Variants in IL19 observed in about 807,000 individuals in gnomAD.
IL19 encodes interleukin 19, also known as interleukin-19.
Under a neutral mutation model 19.5 loss-of-function variants are expected in IL19, and 15 were observed. The ratio of observed to expected loss-of-function variants is 0.77; its 90% CI spans 0.52 to 1.19. The LOEUF is 1.19. Ranked by LOEUF, IL19 falls within the 50% of genes most tolerant of loss-of-function variation. IL19 has a pLI of 0.00. For missense variants in IL19, 199 were observed against 213.1 expected (o/e 0.93, Z 0.41); for synonymous variants, 78 against 78.3 (o/e 1.00, Z 0.02).
intron 1 of IL19, among the ~76,000 whole-genome samples, chr1:206,789,526 T>A (rs963422933): frequency 6.6e-6 from 1 of 152,212 alleles, no homozygotes; most frequent in Non-Finnish European, 1.5e-5. Flanking sequence ...TTATACTTTT[T>A]TATGGCTGAG....
At chr1:206,798,612 C>G (rs1438974732) in intron 1 of IL19, among the ~76,000 whole-genome samples, 3 of 151,610 alleles carry the variant, frequency 2.0e-5, no homozygotes, top group Non-Finnish European at 4.4e-5. Flanking sequence ...AAAATCTGGC[C>G]ACCCTCTTCC....
intron 1 of IL19, chr1:206,772,176 TG>T: frequency 9.4e-7 from 1 of 1,058,380 alleles, no homozygotes; most frequent in Non-Finnish European, 1.5e-6. Flanking sequence ...GGGATGGAGG[TG>T]GAGGCGCAGG....
chr1:206,778,149 G>A (rs1376025670), intron 1 of IL19, among the ~76,000 whole-genome samples: 1 of 152,192 alleles, frequency 6.6e-6, no homozygotes, highest in East Asian at 1.9e-4. Flanking sequence ...GCGCCCTTCC[G>A]AGGATCATGG....
intron 2 of IL19, among the ~76,000 whole-genome samples, chr1:206,802,852 C>G (rs1490064239): frequency 6.6e-6 from 1 of 152,136 alleles, no homozygotes; most frequent in African/African-American, 2.4e-5. Flanking sequence ...AAAGACCAAT[C>G]TTCTGGCAGA....
chr1:206,839,975 C>T lies in IL19; in HGVS notation c.336C>T (p.Leu112=), dbSNP rs1676945983. 1 of 1,614,234 alleles carries T rather than the reference C, an allele frequency of 6.2e-7. No homozygotes were observed. Among genetic ancestry groups the T allele is most frequent in the South Asian group, 1.1e-5 (1 of 91,086 alleles). ...RKISSIANSF[L]YMQKTLRQCQ... is the part of the protein sequence containing the mutation. Reference sequence around the variant, plus strand: ...TCAGCAGCATTGCCAACTCTTTCCTCTACATGCAGAAAACTCTGCGGCAAT... The same window carrying T: ...TCAGCAGCATTGCCAACTCTTTCCTTTACATGCAGAAAACTCTGCGGCAAT... The change falls in exon 5 of 7, where the codon CTC becomes CTT. Residue 112 remains leucine, a synonymous_variant. Transcript: ENST00000659997.
chr1:206,772,819 C>T (rs1228707991), intron 1 of IL19, among the ~76,000 whole-genome samples: 3 of 152,124 alleles, frequency 2.0e-5, no homozygotes, highest in Non-Finnish European at 2.9e-5. Flanking sequence ...GGTTCTCATT[C>T]GCGTGTTCCT....
Position 206,779,697 on chromosome 1 carries a change from C to T in IL19, c.-149+8619C>T, listed in dbSNP as rs12029597. Among the ~76,000 whole-genome samples, 346 of 152,284 alleles carry T rather than the reference C, an allele frequency of 2.3e-3. 1 individual carries two copies. Among genetic ancestry groups the T allele is most frequent in the East Asian group, 0.021 (110 of 5,188 alleles). ...TCCCTCTCTTGGTCAAATAAGGACTCATATTCTAATGTTTTCTATAACTTC... is the reference window on the plus strand; with the variant it reads ...TCCCTCTCTTGGTCAAATAAGGACTTATATTCTAATGTTTTCTATAACTTC... On this transcript the variant is annotated intron_variant, in intron 1 of 6. Transcript: ENST00000659997.
At chr1:206,802,084 G>A (rs1454162772) in intron 2 of IL19, among the ~76,000 whole-genome samples, 1 of 152,222 alleles carries the variant, frequency 6.6e-6, no homozygotes, top group Non-Finnish European at 1.5e-5. Context: ...ATGGTCCTGG[G>A]CTCCTTGTGT....
intron 1 of IL19, among the ~76,000 whole-genome samples, chr1:206,780,681 A>G (rs1167293425): frequency 6.6e-6 from 1 of 152,208 alleles, no homozygotes; most frequent in Non-Finnish European, 1.5e-5. Context: ...AGAGGCCTAG[A>G]GAAGAAGACT....
intron 1 of IL19, among the ~76,000 whole-genome samples, chr1:206,773,652 T>C (rs1439514537): frequency 7.3e-6 from 1 of 136,824 alleles, no homozygotes; most frequent in African/African-American, 2.7e-5. Flanking sequence ...GGGAGCCAGT[T>C]GGGTTGCGGC....
intron 1 of IL19, among the ~76,000 whole-genome samples, chr1:206,797,447 G>A (rs1332298418): frequency 6.6e-6 from 1 of 151,994 alleles, no homozygotes; most frequent in African/African-American, 2.4e-5. Context: ...GAGAGTTCAG[G>A]TATTCTTGCA....
chr1:206,840,410 A>T lies in IL19; in HGVS notation c.363+408A>T, dbSNP rs904029178. ...AAAGGTTACTTAGAAATTCATTGCGATCTATTTAAATCCAACATCAGAAAC... is the reference window on the plus strand; with the variant it reads ...AAAGGTTACTTAGAAATTCATTGCGTTCTATTTAAATCCAACATCAGAAAC... On this transcript the variant is annotated intron_variant, in intron 5 of 6. Coordinates refer to ENST00000659997, the MANE Select transcript of IL19 (RefSeq NM_153758.5). 3 of 301,770 alleles carry T rather than the reference A, an allele frequency of 9.9e-6. No individual in the cohort carries two copies. The East Asian group carries it at 2.6e-4, about 27-fold the overall frequency. The allele number at this position is 301,770 out of a possible 1,614,324, so 18.7% of individuals were successfully genotyped here.
chr1:206,778,064 C>T (rs1234716307), intron 1 of IL19, among the ~76,000 whole-genome samples: 2 of 152,140 alleles, frequency 1.3e-5, no homozygotes. Context: ...CCTGGTGGGC[C>T]AGAAGTTTAA....
At chr1:206,823,558 A>T (rs1388752461) in intron 2 of IL19, among the ~76,000 whole-genome samples, 3 of 152,026 alleles carry the variant, frequency 2.0e-5, no homozygotes, top group Non-Finnish European at 4.4e-5. Context: ...TCTAAAAAAA[A>T]AAAAAGACAC....
chr1:206,829,672 T>C (rs1676536320), intron 2 of IL19, among the ~76,000 whole-genome samples: 1 of 152,180 alleles, frequency 6.6e-6, no homozygotes, highest in African/African-American at 2.4e-5. Context: ...GGTTTGCATT[T>C]TAAAAAGTCC....
chr1:206,824,866 G>A (rs1453100246), intron 2 of IL19, among the ~76,000 whole-genome samples: 2 of 152,278 alleles, frequency 1.3e-5, no homozygotes, highest in Middle Eastern at 3.4e-3. Context: ...GGGTTCAAGC[G>A]ATTATCCTGC....
intron 1 of IL19, among the ~76,000 whole-genome samples, chr1:206,792,017 C>T (rs1383189724): frequency 6.6e-6 from 1 of 152,172 alleles, no homozygotes; most frequent in Non-Finnish European, 1.5e-5. Context: ...CTGCCTTTCC[C>T]AACATTTAAG....
chr1:206,797,992 C>A (rs1241627978), intron 1 of IL19, among the ~76,000 whole-genome samples: 2 of 152,228 alleles, frequency 1.3e-5, no homozygotes, highest in African/African-American at 4.8e-5. Flanking sequence ...AGGCCACAGA[C>A]CTCCTGACAG....
At chr1:206,813,784 T>G (rs1200114284) in intron 2 of IL19, among the ~76,000 whole-genome samples, 2 of 152,160 alleles carry the variant, frequency 1.3e-5, no homozygotes, top group Non-Finnish European at 2.9e-5. Flanking sequence ...GGTATTGTTG[T>G]GAAGGTATGT....
Sources: allele counts gnomAD v4.1 joint callset (sites outside exome capture counted in the v4.1 genomes callset), GRCh38; gene constraint gnomAD v4.1.1; transcripts MANE v1.5; gene names NCBI Gene and HGNC (gene_info 2026-07-23, HGNC 2026-07-21).